Variants in HRH1 observed in about 807,000 individuals in gnomAD.
HRH1 encodes histamine H1 receptor.
A neutral mutation model predicts 10.3 loss-of-function variants in HRH1; 6 were observed. That is an observed-to-expected ratio of 0.58 (90% confidence interval 0.32 to 1.15). HRH1 has a LOEUF of 1.15. HRH1 is among the 50% of genes most tolerant of loss of function. The pLI, the probability that HRH1 is intolerant of heterozygous loss-of-function variation, is 0.05. For synonymous variants in HRH1, 242 were observed against 236.7 expected (o/e 1.02, Z -0.21); for missense variants, 514 against 615.3 (o/e 0.84, Z 1.74).
At chr3:11,215,660 C>T (rs1938466215) in intron 1 of HRH1, among the ~76,000 whole-genome samples, 1 of 152,302 alleles carries the variant, frequency 6.6e-6, no homozygotes, top group South Asian at 2.1e-4. Context: ...CCAGGATGGT[C>T]TTGATCTCCT....
In HRH1 at chr3:11,260,788, G is replaced by T; in HGVS notation, c.*287G>T. 1 of 357,332 alleles carries T rather than the reference G, an allele frequency of 2.8e-6. No individual in the cohort carries two copies. The highest frequency in any genetic ancestry group is 5.3e-6 in the Non-Finnish European group (1 of 188,950). The allele number at this position is 357,332 out of a possible 1,614,324, so 22.1% of individuals were successfully genotyped here. On this transcript the variant is annotated 3_prime_UTR_variant, in exon 2 of 2. Transcript: ENST00000431010. ...AGAAAAAAATAATAAAAATAAAAGA[G>T]AGAGAGAATCAGACCTGGGTGGAAC...
At chr3:11,209,760 T>C (rs1938261416) in intron 1 of HRH1, among the ~76,000 whole-genome samples, 1 of 152,202 alleles carries the variant, frequency 6.6e-6, no homozygotes, top group Admixed American at 6.5e-5. Flanking sequence ...ACTGATGACT[T>C]ATGGCTCCAT....
chr3:11,248,225 T>C (rs1230684357), intron 1 of HRH1, among the ~76,000 whole-genome samples: 1 of 152,256 alleles, frequency 6.6e-6, no homozygotes, highest in East Asian at 1.9e-4. Flanking sequence ...ATTGTTCAAC[T>C]GTTCCTTTAA....
chr3:11,244,348 A>G (rs1243898938), intron 1 of HRH1, among the ~76,000 whole-genome samples: 1 of 152,264 alleles, frequency 6.6e-6, no homozygotes, highest in African/African-American at 2.4e-5. Flanking sequence ...GAGTCTGGGA[A>G]ATGTAGTTTC....
intron 1 of HRH1, among the ~76,000 whole-genome samples, chr3:11,167,124 C>A (rs1482638743): frequency 2.7e-5 from 4 of 149,588 alleles, no homozygotes; most frequent in Middle Eastern, 6.8e-3. Context: ...TTCCCCAGGC[C>A]CGTGACATCT....
At chr3:11,191,254 T>C (rs1937525296) in intron 1 of HRH1, among the ~76,000 whole-genome samples, 1 of 152,138 alleles carries the variant, frequency 6.6e-6, no homozygotes, top group Non-Finnish European at 1.5e-5. Context: ...GCAGTCAACA[T>C]ATCCTGCTAC....
In HRH1 at chr3:11,242,223, T is replaced by G. The variant is rs1024580886; in HGVS notation, c.-35-16780T>G. ...TTGGCCGGGTGCGGTGGCTCATGCC[T>G]GTAATCCCAGCACTTTGGGAGGCCA... On this transcript the variant is annotated intron_variant, in intron 1 of 1. Coordinates refer to ENST00000431010, the MANE Select transcript of HRH1 (RefSeq NM_001098212.2). Among the ~76,000 whole-genome samples, 7 of 152,096 alleles carry G rather than the reference T, an allele frequency of 4.6e-5. No homozygotes were observed. The South Asian group carries it at 1.0e-3, about 23-fold the overall frequency.
chr3:11,185,600 G>T (rs917321189), intron 1 of HRH1, among the ~76,000 whole-genome samples: 1 of 152,102 alleles, frequency 6.6e-6, no homozygotes, highest in Non-Finnish European at 1.5e-5. Flanking sequence ...CTTGTGGTCT[G>T]GCCTTTAGAC....
intron 1 of HRH1, among the ~76,000 whole-genome samples, chr3:11,138,989 CTTTTTTTTTTTTTTTTAGAAAGAA>C (rs1465014921): frequency 7.1e-6 from 1 of 140,080 alleles, no homozygotes; most frequent in Non-Finnish European, 1.6e-5. Flanking sequence ...CTGCATTGTT[CTTTTTTTTTTTTTTTTAGAAAGAA>C]TTTTGCTCTT....
intron 1 of HRH1, among the ~76,000 whole-genome samples, chr3:11,166,258 A>G (rs1937027464): frequency 6.6e-6 from 1 of 152,210 alleles, no homozygotes; most frequent in South Asian, 2.1e-4. Context: ...GAGTGCTAAA[A>G]TATGTGAATT....
At chr3:11,255,014 A>T (rs1355871055) in intron 1 of HRH1, among the ~76,000 whole-genome samples, 1 of 152,226 alleles carries the variant, frequency 6.6e-6, no homozygotes, top group South Asian at 2.1e-4. Context: ...ACTATCCGTT[A>T]CTAGGTGGGA....
chr3:11,161,632 C>G (rs1319226355), intron 1 of HRH1, among the ~76,000 whole-genome samples: 1 of 152,226 alleles, frequency 6.6e-6, no homozygotes, highest in African/African-American at 2.4e-5. Flanking sequence ...AACAGAGCGC[C>G]TGGCACTTCA....
chr3:11,242,118 G>A (rs937725879), intron 1 of HRH1, among the ~76,000 whole-genome samples: 9 of 152,166 alleles, frequency 5.9e-5, no homozygotes, highest in Non-Finnish European at 1.2e-4. Context: ...CTAGGCTGTA[G>A]AAGGTTTCTT....
intron 1 of HRH1, among the ~76,000 whole-genome samples, chr3:11,215,058 A>C (rs1342637091): frequency 6.6e-6 from 1 of 152,246 alleles, no homozygotes; most frequent in Non-Finnish European, 1.5e-5. Flanking sequence ...ATCGCTTACC[A>C]TGGAGAGCTG....
intron 1 of HRH1, among the ~76,000 whole-genome samples, chr3:11,254,351 A>G (rs191966882): frequency 6.6e-6 from 1 of 152,344 alleles, no homozygotes; most frequent in Admixed American, 6.5e-5. Context: ...AAACCCCACA[A>G]CAGGCAAGCT....
intron 1 of HRH1, among the ~76,000 whole-genome samples, chr3:11,167,998 A>G (rs922650220): frequency 9.2e-5 from 14 of 152,180 alleles, no homozygotes; most frequent in African/African-American, 3.4e-4. Flanking sequence ...GCAGGAGAGG[A>G]ACCAAGGTGT....
chr3:11,153,537 A>G (rs1936699492), upstream of HRH1, among the ~76,000 whole-genome samples: 1 of 142,998 alleles, frequency 7.0e-6, no homozygotes, highest in South Asian at 2.2e-4. Flanking sequence ...CTCCTCAAAC[A>G]CCCTCCTCTC....
chr3:11,157,010 G>C (rs1275256145), intron 1 of HRH1, among the ~76,000 whole-genome samples: 2 of 152,348 alleles, frequency 1.3e-5, no homozygotes, highest in East Asian at 3.9e-4. Flanking sequence ...CTCAGCAAAC[G>C]CTGGCCATTG....
At chr3:11,214,921 C>G (rs1938440800) in intron 1 of HRH1, among the ~76,000 whole-genome samples, 1 of 152,182 alleles carries the variant, frequency 6.6e-6, no homozygotes, top group South Asian at 2.1e-4. Context: ...AATGGTAGGA[C>G]AAATGCCACA....
Sources: gnomAD v4.1 joint callset for allele counts (sites outside exome capture counted in the v4.1 genomes callset) on GRCh38, gnomAD v4.1.1 for gene constraint, MANE v1.5 for transcripts, NCBI Gene and HGNC (gene_info 2026-07-23, HGNC 2026-07-21) for gene names.